Variants in NTM observed in about 807,000 individuals in gnomAD.
NTM encodes the protein neurotrimin, also known as IgLON family member 2.
Under a neutral mutation model 42.1 loss-of-function variants are expected in NTM, and 13 were observed. That is an observed-to-expected ratio of 0.31 (90% CI 0.20 to 0.49). The LOEUF is 0.49. Among genes scored for constraint, NTM ranks in the 20% least tolerant of loss-of-function variants. The pLI is 0.99. For synonymous variants in NTM, 187 were observed against 179.2 expected (o/e 1.04, Z -0.35); for missense variants, 373 against 452.8 (o/e 0.82, Z 1.60).
At chr11:132,042,812 T>C (rs1400833625) in intron 2 of NTM, among the ~76,000 whole-genome samples, 2 of 152,234 alleles carry the variant, frequency 1.3e-5, no homozygotes, top group African/African-American at 2.4e-5. Context: ...TTATGCAACA[T>C]CTGCTATGAC....
intron 1 of NTM, among the ~76,000 whole-genome samples, chr11:131,649,085 C>A (rs1263271640): frequency 1.3e-5 from 2 of 152,124 alleles, no homozygotes; most frequent in African/African-American, 4.8e-5. Flanking sequence ...GAAGGTTGGT[C>A]ACTCGAACAA....
Position 131,738,013 on chromosome 11 carries a change from T to C in NTM, c.83-173551T>C, listed in dbSNP as rs530450667. The stretch of plus-strand genomic sequence containing the variant: ...TCTCCCAGCACGGCTGTAATTACAC[T>C]GTAGATCAAACTGACGCCTTAGTTT... On this transcript the variant is annotated intron_variant, in intron 1 of 8. Coordinates refer to ENST00000683400, the MANE Select transcript of NTM (RefSeq NM_001352005.2). 1.6e-3 allele frequency among the ~76,000 whole-genome samples: 251 copies of C among 152,302 alleles called. 1 individual carries two copies. Among genetic ancestry groups the C allele is most frequent in the African/African-American group, 5.7e-3 (238 of 41,568 alleles).
At chr11:132,164,072 C>T (rs546088859) in intron 3 of NTM, among the ~76,000 whole-genome samples, 103 of 152,264 alleles carry the variant, frequency 6.8e-4, no homozygotes, top group Non-Finnish European at 1.2e-3. Flanking sequence ...TCTTCCAGGG[C>T]GCTTTCTCTT....
intron 2 of NTM, among the ~76,000 whole-genome samples, chr11:131,951,598 A>G (rs1489273015): frequency 6.6e-6 from 1 of 152,108 alleles, no homozygotes; most frequent in African/African-American, 2.4e-5. Flanking sequence ...CTGAGGCGGG[A>G]GGATCATGAG....
chr11:131,410,882 T>A (rs530109597), intron 1 of NTM, among the ~76,000 whole-genome samples: 1 of 152,312 alleles, frequency 6.6e-6, no homozygotes, highest in African/African-American at 2.4e-5. Flanking sequence ...GAAAAAATTG[T>A]AACCACAGGC....
At chr11:131,890,816 G>A (rs1326230139) in intron 1 of NTM, among the ~76,000 whole-genome samples, 4 of 152,170 alleles carry the variant, frequency 2.6e-5, no homozygotes, top group African/African-American at 9.7e-5. Context: ...GTTGACTTGA[G>A]GATCCCCTAC....
intron 1 of NTM, among the ~76,000 whole-genome samples, chr11:131,552,230 G>A (rs778415614): frequency 2.6e-5 from 4 of 152,176 alleles, no homozygotes; most frequent in Non-Finnish European, 5.9e-5. Flanking sequence ...TGCCAACATC[G>A]AGTGTTGATA....
chr11:131,686,542 C>T (rs567258783), intron 1 of NTM, among the ~76,000 whole-genome samples: 193 of 152,230 alleles, frequency 1.3e-3, no homozygotes, highest in Non-Finnish European at 1.6e-3. Context: ...GAAGGAGAAT[C>T]GGTCCTGCTG....
chr11:132,047,106 T>C (rs935861208), intron 2 of NTM, among the ~76,000 whole-genome samples: 5 of 152,234 alleles, frequency 3.3e-5, no homozygotes, highest in African/African-American at 1.2e-4. Context: ...GGTCTGTCTA[T>C]TTCCCAAGTG....
At chr11:131,680,777 ATG>A (rs2072489249) in intron 1 of NTM, among the ~76,000 whole-genome samples, 1 of 22,112 alleles carries the variant, frequency 4.5e-5, no homozygotes, top group Non-Finnish European at 9.4e-5. Context: ...GCCTATGTCT[ATG>A]TGAGTGCCTG....
intron 1 of NTM, among the ~76,000 whole-genome samples, chr11:131,432,484 C>G (rs929868736): frequency 6.6e-6 from 1 of 152,138 alleles, no homozygotes; most frequent in South Asian, 2.1e-4. Context: ...CAAAGATCAA[C>G]GCTGCCTGGT....
At chr11:132,143,801 A>G (rs908151777) in intron 2 of NTM, among the ~76,000 whole-genome samples, 1 of 152,128 alleles carries the variant, frequency 6.6e-6, no homozygotes, top group African/African-American at 2.4e-5. Flanking sequence ...GTCGTTCCAA[A>G]TTCATGTTTC....
At chr11:131,785,147 T>A (rs142856910) in intron 1 of NTM, among the ~76,000 whole-genome samples, 1 of 152,270 alleles carries the variant, frequency 6.6e-6, no homozygotes, top group African/African-American at 2.4e-5. Flanking sequence ...AGCCTTTGCA[T>A]GTATAATTTT....
chr11:131,450,492 A>C (rs1227176714), intron 1 of NTM, among the ~76,000 whole-genome samples: 1 of 152,080 alleles, frequency 6.6e-6, no homozygotes, highest in Non-Finnish European at 1.5e-5. Context: ...CTTCCAAGTC[A>C]GGTCTTGGTT....
At chr11:131,929,584 C>T (rs1028170150) in intron 2 of NTM, among the ~76,000 whole-genome samples, 1 of 152,032 alleles carries the variant, frequency 6.6e-6, no homozygotes, top group Non-Finnish European at 1.5e-5. Context: ...TCGTGTAGAA[C>T]CTCCTCTGCA....
chr11:131,918,353 G>T (rs188843069), intron 2 of NTM, among the ~76,000 whole-genome samples: 2 of 152,158 alleles, frequency 1.3e-5, no homozygotes, highest in African/African-American at 4.8e-5. Context: ...GGTTTAGTCC[G>T]TACCACACCT....
In NTM at chr11:131,374,549, G is replaced by A. The variant is rs144300094; in HGVS notation, c.82+3661G>A. On this transcript the variant is annotated intron_variant, in intron 1 of 8. Transcript: ENST00000683400. ...TTTCTCAGTAACCTCCTTCCATAGC[G>A]CTGGTTTTAATTCAGGCGTCCTGCG... Among the ~76,000 whole-genome samples, 655 of 152,180 alleles carry A rather than the reference G, an allele frequency of 4.3e-3. 13 individuals are homozygous for A. The highest frequency in any genetic ancestry group is 0.015 in the African/African-American group (618 of 41,512).
intron 1 of NTM, among the ~76,000 whole-genome samples, chr11:131,839,545 A>T (rs2043960808): frequency 6.6e-6 from 1 of 152,152 alleles, no homozygotes; most frequent in Non-Finnish European, 1.5e-5. Context: ...CAGCTAAGTG[A>T]GTCAGGGGAG....
chr11:132,005,392 C>T (rs966407925), intron 2 of NTM, among the ~76,000 whole-genome samples: 5 of 152,170 alleles, frequency 3.3e-5, no homozygotes, highest in East Asian at 3.9e-4. Flanking sequence ...GGATGGTAGA[C>T]GACTTGAAGG....
Sources: gnomAD v4.1 joint callset for allele counts (sites outside exome capture counted in the v4.1 genomes callset) on GRCh38, gnomAD v4.1.1 for gene constraint, MANE v1.5 for transcripts, NCBI Gene and HGNC (gene_info 2026-07-23, HGNC 2026-07-21) for gene names.